TFAP2D: variants seen among roughly 807,000 people sequenced by gnomAD.
TFAP2D encodes transcription factor AP-2-delta.
TFAP2D carries 9 observed loss-of-function variants against 43.6 expected under a neutral mutation model. That is an observed-to-expected ratio of 0.21 (90% CI 0.12 to 0.36). The LOEUF is 0.36. TFAP2D is among the 10% of genes least tolerant of loss of function. The probability of loss-of-function intolerance (pLI) is 1.00; values close to 1 mark genes in which losing one functional copy is unlikely to be tolerated. For missense variants in TFAP2D, 513 were observed against 561.4 expected (o/e 0.91, Z 0.87); for synonymous variants, 256 against 224.9 (o/e 1.14, Z -1.24).
chr6:50,719,527 G>C (rs1183827842), intron 3 of TFAP2D, among the ~76,000 whole-genome samples: 1 of 151,206 alleles, frequency 6.6e-6, no homozygotes, highest in South Asian at 2.1e-4. Flanking sequence ...TCTTCCCCCA[G>C]CACTAATACC....
At chr6:50,761,140 T>G (rs2113892049) in intron 7 of TFAP2D, among the ~76,000 whole-genome samples, 1 of 151,430 alleles carries the variant, frequency 6.6e-6, no homozygotes, top group African/African-American at 2.4e-5. Context: ...ATAAAAAGAT[T>G]AGTGATAGTA....
chr6:50,722,228 C>G (rs1193055796), intron 3 of TFAP2D, among the ~76,000 whole-genome samples: 1 of 152,172 alleles, frequency 6.6e-6, no homozygotes, highest in African/African-American at 2.4e-5. Context: ...CGATTTTGCC[C>G]GCAGCTCCGG....
At chr6:50,765,748 T>C (rs941311624) in intron 7 of TFAP2D, among the ~76,000 whole-genome samples, 15 of 152,146 alleles carry the variant, frequency 9.9e-5, no homozygotes, top group African/African-American at 3.6e-4. Context: ...GAGCTCCTTA[T>C]ATATTTTAGA....
chr6:50,748,690 C>T (rs562534814), intron 6 of TFAP2D, among the ~76,000 whole-genome samples: 8 of 151,900 alleles, frequency 5.3e-5, no homozygotes, highest in Admixed American at 3.3e-4. Flanking sequence ...TCAGACAAAA[C>T]GTGTTTATTT....
intron 7 of TFAP2D, among the ~76,000 whole-genome samples, chr6:50,757,463 A>T (rs1483923854): frequency 5.5e-5 from 6 of 109,124 alleles, no homozygotes; most frequent in African/African-American, 7.6e-5. Flanking sequence ...ATATATATAT[A>T]ATATATATAA....
At chr6:50,733,905 A>G (rs1768927469) in intron 5 of TFAP2D, among the ~76,000 whole-genome samples, 1 of 152,012 alleles carries the variant, frequency 6.6e-6, no homozygotes. Flanking sequence ...AGATTATTTA[A>G]GCTCGTAAAT....
intron 5 of TFAP2D, among the ~76,000 whole-genome samples, chr6:50,736,171 G>A (rs768178375): frequency 6.6e-6 from 1 of 152,076 alleles, no homozygotes; most frequent in African/African-American, 2.4e-5. Context: ...TTGGGAGAAA[G>A]GTTTTCAGCT....
chr6:50,751,404 A>G, intron 7 of TFAP2D, 80 bp downstream of exon 7: 1 of 964,368 alleles, frequency 1.0e-6, no homozygotes, highest in South Asian at 1.4e-5. Context: ...ATTTAGAGAT[A>G]CCACTTATAT....
intron 7 of TFAP2D, among the ~76,000 whole-genome samples, chr6:50,757,024 G>A (rs1201508682): frequency 1.4e-4 from 22 of 151,860 alleles, no homozygotes; most frequent in Admixed American, 1.4e-3. Flanking sequence ...AGTGTAGTAA[G>A]AAATTAGACT....
At chr6:50,738,386 A>C (rs1224901007) in intron 5 of TFAP2D, among the ~76,000 whole-genome samples, 1 of 152,016 alleles carries the variant, frequency 6.6e-6, no homozygotes, top group Non-Finnish European at 1.5e-5. Context: ...GAACTTTTTT[A>C]CATTAATATA....
At chr6:50,740,095 A>G (rs1399973710) in intron 5 of TFAP2D, among the ~76,000 whole-genome samples, 2 of 152,172 alleles carry the variant, frequency 1.3e-5, no homozygotes, top group Admixed American at 6.5e-5. Flanking sequence ...TTAATTCGCA[A>G]ATTTGCTTTC....
rs530757119 is a variant in TFAP2D, at chr6:50,744,990, G to C, written c.884-117G>C. The C allele has an allele frequency of 8.4e-6, 11 of 1,306,790 alleles. No individual in the cohort carries two copies. In the South Asian group the frequency reaches 1.7e-4, roughly 20 times the overall value. The allele number at this position is 1,306,790 out of a possible 1,614,324, so 80.9% of individuals were successfully genotyped here. On this transcript the variant is annotated intron_variant, in intron 5 of 7. Transcript: ENST00000008391. ...AGGTCTTTTTTCTTGAATAGTTTAA[G>C]TAGGAAAAATGATTTGTCTGACCAC...
intron 3 of TFAP2D, among the ~76,000 whole-genome samples, chr6:50,728,609 C>G (rs764971223): frequency 6.6e-6 from 1 of 152,136 alleles, no homozygotes; most frequent in Admixed American, 6.5e-5. Flanking sequence ...GTCTACACTC[C>G]GTAGGATGCC....
chr6:50,735,203 T>C (rs1186121542), intron 5 of TFAP2D, among the ~76,000 whole-genome samples: 1 of 152,126 alleles, frequency 6.6e-6, no homozygotes, highest in Non-Finnish European at 1.5e-5. Flanking sequence ...CACAGGATTA[T>C]ACAATTGGGT....
intron 7 of TFAP2D, among the ~76,000 whole-genome samples, chr6:50,766,654 CTTTTTTTTTTT>C (rs763018088): frequency 2.4e-3 from 139 of 57,398 alleles, no homozygotes; most frequent in African/African-American, 6.7e-3. Flanking sequence ...AGATTGCTTT[CTTTTTTTTTTT>C]TTTTTTTTTT....
chr6:50,719,321 C>A (rs1297999132), intron 3 of TFAP2D, among the ~76,000 whole-genome samples, 171 bp downstream of exon 3: 1 of 152,134 alleles, frequency 6.6e-6, no homozygotes, highest in Admixed American at 6.6e-5. Flanking sequence ...AGCCTCCTTT[C>A]TTTCATCAAG....
chr6:50,732,883 T>A (rs999395679), intron 5 of TFAP2D, among the ~76,000 whole-genome samples: 3 of 152,118 alleles, frequency 2.0e-5, no homozygotes, highest in Non-Finnish European at 2.9e-5. Context: ...TCATTTTTCC[T>A]ATATTCCTTT....
At chr6:50,751,409 T>G in intron 7 of TFAP2D, 85 bp downstream of exon 7, 1 of 861,766 alleles carries the variant, frequency 1.2e-6, no homozygotes, top group Non-Finnish European at 1.9e-6. Context: ...GAGATACCAC[T>G]TATATGTTTA....
chr6:50,768,965 C>A lies in TFAP2D; in HGVS notation c.1140-3680C>A, dbSNP rs117505715. 1.5e-3 allele frequency among the ~76,000 whole-genome samples: 219 copies of A among 148,122 alleles called. 5 individuals are homozygous for A. In the East Asian group the frequency reaches 0.043, roughly 29 times the overall value. ...TTGCCCAGGCTGGAATGCAATAGCA[C>A]GATCTTGCCTCTGCCTCCTGGGTTC... is the stretch of plus-strand genomic sequence containing the variant. On this transcript the variant is annotated intron_variant, in intron 7 of 7. Transcript: ENST00000008391.
Sources: gnomAD v4.1 joint callset for allele counts (sites outside exome capture counted in the v4.1 genomes callset) on GRCh38, gnomAD v4.1.1 for gene constraint, MANE v1.5 for transcripts, NCBI Gene and HGNC (gene_info 2026-07-23, HGNC 2026-07-21) for gene names.